Variants in LRRC4C observed in about 807,000 individuals in gnomAD.
LRRC4C encodes leucine rich repeat containing 4C.
LRRC4C carries 5 observed loss-of-function variants against 33.6 expected under a neutral mutation model. That is an observed-to-expected ratio of 0.15 (90% CI 0.08 to 0.31). The LOEUF (loss-of-function observed/expected upper bound fraction) is 0.31, where lower values mean the gene tolerates loss of function less well. Ranked by LOEUF, LRRC4C falls within the 10% of genes least tolerant of loss-of-function variation. The pLI is 1.00. For missense variants in LRRC4C, 560 were observed against 796.7 expected, an observed-to-expected ratio of 0.70 and a Z score of 3.58; for synonymous variants, 329 against 302.0, an observed-to-expected ratio of 1.09 and a Z score of -0.93.
chr11:41,076,657 T>C (rs987609305), intron 1 of LRRC4C, among the ~76,000 whole-genome samples: 1 of 152,176 alleles, frequency 6.6e-6, no homozygotes, highest in African/African-American at 2.4e-5. Context: ...CTTTATGAGA[T>C]TTGAGTGGGG....
intron 3 of LRRC4C, among the ~76,000 whole-genome samples, chr11:40,373,669 A>G (rs1948548892): frequency 1.3e-5 from 2 of 152,156 alleles, no homozygotes; most frequent in Non-Finnish European, 2.9e-5. Context: ...CGGCTCACTC[A>G]TGAACGGCCT....
intron 1 of LRRC4C, among the ~76,000 whole-genome samples, chr11:41,282,325 C>T (rs935318242): frequency 2.6e-5 from 4 of 152,106 alleles, no homozygotes; most frequent in Admixed American, 6.6e-5. Flanking sequence ...TGAAGGCAGG[C>T]GATTGAGAGG....
At chr11:40,693,825 C>G (rs1186580534) in intron 2 of LRRC4C, among the ~76,000 whole-genome samples, 1 of 152,056 alleles carries the variant, frequency 6.6e-6, no homozygotes, top group Admixed American at 6.6e-5. Flanking sequence ...TGGAATGACA[C>G]AACGACATAG....
intron 1 of LRRC4C, among the ~76,000 whole-genome samples, chr11:41,430,988 CAG>C (rs1380350345): frequency 2.0e-5 from 3 of 152,006 alleles, no homozygotes; most frequent in Non-Finnish European, 4.4e-5. Context: ...CTCAACTAAT[CAG>C]AGTGTGTATT....
intron 1 of LRRC4C, among the ~76,000 whole-genome samples, chr11:41,412,284 C>A (rs1954516979): frequency 6.6e-6 from 1 of 152,174 alleles, no homozygotes; most frequent in South Asian, 2.1e-4. Flanking sequence ...GTAACAATCA[C>A]ATTTATTTTA....
At chr11:41,424,145 A>T (rs1446617361) in intron 1 of LRRC4C, among the ~76,000 whole-genome samples, 1 of 152,094 alleles carries the variant, frequency 6.6e-6, no homozygotes, top group East Asian at 1.9e-4. Flanking sequence ...CTACTAGAAG[A>T]AACTATCCCA....
At chr11:41,257,469 A>G (rs1948837823) in intron 1 of LRRC4C, among the ~76,000 whole-genome samples, 2 of 152,004 alleles carry the variant, frequency 1.3e-5, no homozygotes, top group Admixed American at 1.3e-4. Flanking sequence ...GGAAGCCATG[A>G]GGTATGGTTC....
At chr11:40,990,413 T>C (rs552309790) in intron 1 of LRRC4C, among the ~76,000 whole-genome samples, 1 of 151,834 alleles carries the variant, frequency 6.6e-6, no homozygotes, top group African/African-American at 2.4e-5. Context: ...TATGAGGAAA[T>C]AGGCTTAGAA....
At chr11:40,406,010 G>T (rs1237728803) in intron 3 of LRRC4C, among the ~76,000 whole-genome samples, 1 of 151,956 alleles carries the variant, frequency 6.6e-6, no homozygotes, top group African/African-American at 2.4e-5. Flanking sequence ...CTGTATATCG[G>T]ATCTCTTTAT....
intron 2 of LRRC4C, among the ~76,000 whole-genome samples, chr11:40,812,847 C>T (rs1441333855): frequency 6.6e-6 from 1 of 151,732 alleles, no homozygotes; most frequent in Non-Finnish European, 1.5e-5. Context: ...AACACATCTG[C>T]AAAACATTTG....
In LRRC4C at chr11:40,796,194, C is replaced by A. The variant is rs112744087; in HGVS notation, c.-407+137441G>T. ...TGCATGCCCTGAGTGGGAGCTTGGG[C>A]AGTATTGGATACAAAACCATTAAAA... On this transcript the variant is annotated intron_variant, in intron 2 of 6. Coordinates refer to ENST00000528697, the MANE Select transcript of LRRC4C (RefSeq NM_001258419.2). Among the ~76,000 whole-genome samples the A allele has an allele frequency of 8.5e-3, 1,296 of 152,178 alleles. 12 individuals are homozygous for A. The highest frequency in any genetic ancestry group is 0.03 in the African/African-American group (1,236 of 41,514).
intron 1 of LRRC4C, among the ~76,000 whole-genome samples, chr11:41,227,698 AG>A (rs1947604527): frequency 6.6e-6 from 1 of 151,972 alleles, no homozygotes; most frequent in African/African-American, 2.4e-5. Flanking sequence ...TTTTCTTTCC[AG>A]ATTGATATAG....
intron 1 of LRRC4C, among the ~76,000 whole-genome samples, chr11:40,978,012 T>C (rs1852207685): frequency 6.6e-6 from 1 of 152,206 alleles, no homozygotes; most frequent in Non-Finnish European, 1.5e-5. Flanking sequence ...TCCTTCTTAT[T>C]CTTCTTCTGA....
At chr11:40,518,658 T>C (rs892410619) in intron 3 of LRRC4C, among the ~76,000 whole-genome samples, 9 of 152,174 alleles carry the variant, frequency 5.9e-5, no homozygotes, top group Non-Finnish European at 1.2e-4. Flanking sequence ...GGTGGGAGTG[T>C]AAATTAGTTC....
chr11:41,121,697 GA>G (rs1414782625), intron 1 of LRRC4C, among the ~76,000 whole-genome samples: 1 of 152,152 alleles, frequency 6.6e-6, no homozygotes, highest in African/African-American at 2.4e-5. Context: ...CAGATCACAG[GA>G]GGGGGTTAGA....
chr11:40,971,213 C>G (rs1473682997), intron 1 of LRRC4C, among the ~76,000 whole-genome samples: 1 of 152,202 alleles, frequency 6.6e-6, no homozygotes, highest in Non-Finnish European at 1.5e-5. Context: ...GAGAACTTCG[C>G]AGCCCCTTCA....
At position 41,226,573 on chromosome 11, in the gene LRRC4C, C is replaced by G. The variant is rs182890533; in HGVS notation, c.-496+232858G>C. 3.5e-3 allele frequency among the ~76,000 whole-genome samples: 525 copies of G among 152,132 alleles called. 3 individuals are homozygous for G. Among genetic ancestry groups the G allele is most frequent in the African/African-American group, 0.012 (488 of 41,526 alleles). ...CTTCTTTCTAATCTCAGAACAAGTG[C>G]TTTTTCTTTTGCTTACAGTCAACCC... On this transcript the variant is annotated intron_variant, in intron 1 of 6. Coordinates refer to ENST00000528697, the MANE Select transcript of LRRC4C (RefSeq NM_001258419.2).
chr11:41,188,901 GC>G (rs531976924), intron 1 of LRRC4C, among the ~76,000 whole-genome samples: 33,781 of 124,186 alleles, frequency 0.27, 4,173 homozygotes, highest in Middle Eastern at 0.39. Flanking sequence ...AACAGGACCT[GC>G]CCCCCCCCCC....
chr11:41,222,729 G>C (rs923369050), intron 1 of LRRC4C: 2 of 150,660 alleles, frequency 1.3e-5, no homozygotes, highest in African/African-American at 4.9e-5. Flanking sequence ...CTCAAGACTG[G>C]AGCCTCTCCC....
Sources: allele counts gnomAD v4.1 joint callset (sites outside exome capture counted in the v4.1 genomes callset), GRCh38; gene constraint gnomAD v4.1.1; transcripts MANE v1.5; gene names NCBI Gene and HGNC (gene_info 2026-07-23, HGNC 2026-07-21).